KIAA0825: variants seen among roughly 807,000 people sequenced by gnomAD.
KIAA0825 encodes the protein uncharacterized protein KIAA0825.
In KIAA0825, 119 loss-of-function variants were observed where a neutral mutation model predicts 147.6. The observed-to-expected ratio is 0.81, with a 90% CI of 0.69 to 0.94. The LOEUF is 0.94. KIAA0825 is among the 40% of genes least tolerant of loss of function. The pLI, the probability that KIAA0825 is intolerant of heterozygous loss-of-function variation, is 0.00. For synonymous variants in KIAA0825, 470 were observed against 518.1 expected (o/e 0.91, Z 1.26); for missense variants, 1,381 against 1,472.7 (o/e 0.94, Z 1.02).
At chr5:94,412,174 A>C (rs1349434899) in intron 15 of KIAA0825, among the ~76,000 whole-genome samples, 1 of 152,226 alleles carries the variant, frequency 6.6e-6, no homozygotes, top group Non-Finnish European at 1.5e-5. Flanking sequence ...TTTACAAAAG[A>C]ATATTTTCAA....
chr5:94,396,542 T>C (rs778284535), intron 16 of KIAA0825, 33 bp from the exon 17 acceptor site: 20 of 1,451,062 alleles, frequency 1.4e-5, no homozygotes, highest in Non-Finnish European at 1.7e-5. Context: ...TGATTAATAT[T>C]AGCATTTGCG....
Position 94,523,947 on chromosome 5 carries a change from T to G in KIAA0825, c.283A>C (p.Lys95Gln), listed in dbSNP as rs763938596. ...CATTTTACCAGTGTTTTGAAAAATT[T>G]TATCAAGTCTCCATGAGAAATGAAA... Reference protein sequence around the residue: ...SSFISHGDLIKFFKTLQDLLK... With the variant: ...SSFISHGDLIQFFKTLQDLLK... The change falls in exon 4 of 21, where the codon AAA (lysine) becomes CAA (glutamine). Residue 95 changes from lysine to glutamine, a missense_variant. Physicochemically the swap from Lys to Gln is moderately conservative, Grantham distance 53. Transcript: ENST00000682413. 3 of 1,597,362 alleles carry G rather than the reference T, an allele frequency of 1.9e-6. No individual in the cohort carries two copies. The highest frequency in any genetic ancestry group is 2.2e-5 in the East Asian group (1 of 44,526).
chr5:94,497,783 G>A (rs1004722310), intron 5 of KIAA0825, among the ~76,000 whole-genome samples: 1 of 152,196 alleles, frequency 6.6e-6, no homozygotes, highest in Non-Finnish European at 1.5e-5. Flanking sequence ...CACTCCCACT[G>A]TTTATGATTC....
intron 16 of KIAA0825, among the ~76,000 whole-genome samples, chr5:94,399,617 G>A (rs930594845): frequency 1.1e-4 from 16 of 151,932 alleles, no homozygotes; most frequent in African/African-American, 3.6e-4. Flanking sequence ...CTACACACTC[G>A]TCTTTCTGTC....
chr5:94,264,383 TTA>T (rs1776646007), intron 20 of KIAA0825, among the ~76,000 whole-genome samples: 5 of 152,194 alleles, frequency 3.3e-5, no homozygotes, highest in African/African-American at 1.2e-4. Flanking sequence ...TGGTAATCTC[TTA>T]GTACATGTGT....
At position 94,470,092 on chromosome 5, in the gene KIAA0825, C is replaced by T. The variant is rs1019178732; in HGVS notation, c.1741G>A (p.Val581Ile). The T allele has an allele frequency of 5.2e-6, 8 of 1,551,398 alleles. No homozygotes were observed. Among genetic ancestry groups the T allele is most frequent in the Non-Finnish European group, 7.0e-6 (8 of 1,146,854 alleles). Residue 581 changes from valine to isoleucine, a missense_variant, in exon 10 of 21, where the codon GTC becomes ATC. Physicochemically the swap from Val to Ile is conservative, Grantham distance 29 (BLOSUM62 3). Coordinates refer to ENST00000682413, the MANE Select transcript of KIAA0825 (RefSeq NM_001145678.3). ...TTGATGAATTCCTGATATCGTTGGA[C>T]AAGCACCAGGAATATGGGTCTGTTC... The part of the protein sequence containing the change: ...MTKKPIFLVL[V>I]QRYQEFINTL...
At chr5:94,165,881 G>A (rs1720398288) in intron 20 of KIAA0825, among the ~76,000 whole-genome samples, 1 of 152,164 alleles carries the variant, frequency 6.6e-6, no homozygotes, top group Non-Finnish European at 1.5e-5. Context: ...CTGAGGGTGA[G>A]GTGGGTATAG....
intron 5 of KIAA0825, among the ~76,000 whole-genome samples, chr5:94,501,290 T>C (rs867761413): frequency 2.6e-5 from 4 of 152,252 alleles, no homozygotes; most frequent in Non-Finnish European, 4.4e-5. Flanking sequence ...TATATGTATA[T>C]GTTTTAAATA....
intron 1 of KIAA0825, among the ~76,000 whole-genome samples, chr5:94,613,915 T>G: frequency 6.6e-6 from 1 of 152,244 alleles, no homozygotes; most frequent in East Asian, 1.9e-4. Context: ...AAAATTTGAT[T>G]AATATGGCAA....
intron 12 of KIAA0825, among the ~76,000 whole-genome samples, chr5:94,460,342 G>A (rs746110310): frequency 2.0e-5 from 3 of 152,040 alleles, no homozygotes; most frequent in Admixed American, 6.6e-5. Flanking sequence ...AGCTAAAAAA[G>A]AACACATATT....
At position 94,477,112 on chromosome 5, in the gene KIAA0825, T is replaced by G; in HGVS notation, c.1226A>C (p.Glu409Ala). The G allele has an allele frequency of 1.3e-6, 2 of 1,549,032 alleles. No homozygotes were observed. Among genetic ancestry groups the G allele is most frequent in the Non-Finnish European group, 8.7e-7 (1 of 1,144,988 alleles). The change falls in exon 7 of 21, where the codon GAG becomes GCG. Residue 409 changes from glutamate (E) to alanine (A), a missense_variant and splice_region_variant. By Grantham distance (107) the Glu-to-Ala change is moderately radical. Coordinates refer to ENST00000682413, the MANE Select transcript of KIAA0825 (RefSeq NM_001145678.3). ...IPSEQSLPGK[E>A]ATLLDFGWRS... ...AACACTTCTTTTTCCTTCACTTACC[T>G]CTTTTCCTGGTAGTGATTGCTCGGA...
Position 94,523,961 on chromosome 5 carries a change from T to A in KIAA0825, c.269A>T (p.His90Leu). The part of the protein sequence containing the change: ...YSTSESSFIS[H>L]GDLIKFFKTL... The stretch of plus-strand genomic sequence containing the variant: ...TTTGAAAAATTTTATCAAGTCTCCA[T>A]GAGAAATGAAAGATGATTCAGATGT... The change falls in exon 4 of 21, where the codon CAT becomes CTT. Residue 90 changes from histidine to leucine, a missense_variant. Transcript: ENST00000682413. 1 of 1,602,796 alleles carries A rather than the reference T, an allele frequency of 6.2e-7. No homozygotes were observed. Among genetic ancestry groups the A allele is most frequent in the Non-Finnish European group, 8.5e-7 (1 of 1,174,234 alleles).
chr5:94,293,988 T>G (rs1255690008), intron 20 of KIAA0825, among the ~76,000 whole-genome samples: 1 of 152,208 alleles, frequency 6.6e-6, no homozygotes, highest in African/African-American at 2.4e-5. Context: ...TTGGTAAATA[T>G]TCCTCCATCC....
At chr5:94,563,860 T>C (rs1049347534) in intron 2 of KIAA0825, among the ~76,000 whole-genome samples, 14 of 151,834 alleles carry the variant, frequency 9.2e-5, no homozygotes, top group African/African-American at 2.9e-4. Flanking sequence ...AATTTTTGCA[T>C]TTTTAGTTCG....
chr5:94,224,680 A>C (rs1774002104), intron 20 of KIAA0825, among the ~76,000 whole-genome samples: 1 of 152,186 alleles, frequency 6.6e-6, no homozygotes, highest in African/African-American at 2.4e-5. Flanking sequence ...AAGAAGAGTT[A>C]TAAAGCAGTA....
intron 20 of KIAA0825, among the ~76,000 whole-genome samples, chr5:94,289,549 A>C (rs1777798425): frequency 6.6e-6 from 1 of 151,852 alleles, no homozygotes; most frequent in Non-Finnish European, 1.5e-5. Flanking sequence ...AAAAAAAAAA[A>C]AAAAGAGTAA....
At chr5:94,528,788 C>T (rs1006195075) in intron 3 of KIAA0825, among the ~76,000 whole-genome samples, 17 of 146,604 alleles carry the variant, frequency 1.2e-4, no homozygotes, top group African/African-American at 3.8e-4. Context: ...AAATGTGCTC[C>T]TTTTTTTTTT....
chr5:94,272,483 C>A (rs924549613), intron 20 of KIAA0825, among the ~76,000 whole-genome samples: 3 of 151,850 alleles, frequency 2.0e-5, no homozygotes, highest in Non-Finnish European at 4.4e-5. Context: ...CTACTATGTA[C>A]CCACAAAAAT....
chr5:94,513,843 G>GAA (rs567064770), intron 5 of KIAA0825, among the ~76,000 whole-genome samples: 1 of 131,332 alleles, frequency 7.6e-6, no homozygotes, highest in Non-Finnish European at 1.7e-5. Context: ...AGAAAGAATT[G>GAA]AAAAAAAAAA....
Sources: gnomAD v4.1 joint callset for allele counts (sites outside exome capture counted in the v4.1 genomes callset) on GRCh38, gnomAD v4.1.1 for gene constraint, MANE v1.5 for transcripts, NCBI Gene and HGNC (gene_info 2026-07-23, HGNC 2026-07-21) for gene names.